STK3: variants seen among roughly 807,000 people sequenced by gnomAD.
The protein encoded by STK3 is serine/threonine-protein kinase 3.
STK3 carries 41 observed loss-of-function variants against 58.0 expected under a neutral mutation model. The ratio of observed to expected loss-of-function variants is 0.71; its 90% CI spans 0.55 to 0.92. The LOEUF (loss-of-function observed/expected upper bound fraction) is 0.92, where lower values mean the gene tolerates loss of function less well. STK3 is among the 40% of genes least tolerant of loss of function. The pLI, the probability that STK3 is intolerant of heterozygous loss-of-function variation, is 0.00. For missense variants in STK3, 479 were observed against 602.7 expected (o/e 0.79, Z 2.15); for synonymous variants, 170 against 191.0 (o/e 0.89, Z 0.91).
chr8:98,527,781 C>G (rs750722507), intron 9 of STK3, among the ~76,000 whole-genome samples: 1 of 152,172 alleles, frequency 6.6e-6, no homozygotes, highest in Non-Finnish European at 1.5e-5. Flanking sequence ...ACACTTACAT[C>G]CATGTCTCCC....
chr8:98,351,087 T>A, the STK3 span, among the ~76,000 whole-genome samples: 3 of 152,196 alleles, frequency 2.0e-5, no homozygotes, highest in Non-Finnish European at 4.4e-5. Flanking sequence ...CCCAAAACTG[T>A]ATATTCAGCA....
At chr8:98,655,557 C>A (rs1021276897) in intron 6 of STK3, among the ~76,000 whole-genome samples, 29 of 151,358 alleles carry the variant, frequency 1.9e-4, no homozygotes, top group African/African-American at 3.6e-4. Flanking sequence ...CAACCTACAA[C>A]ATGGGAGAAA....
chr8:98,446,529 T>C (rs1368378754), intron 1 of STK3, among the ~76,000 whole-genome samples: 1 of 152,114 alleles, frequency 6.6e-6, no homozygotes, highest in East Asian at 1.9e-4. Context: ...CTTCTGATCA[T>C]TAGAGAAATG....
intron 3 of STK3, among the ~76,000 whole-genome samples, chr8:98,409,915 G>A (rs1165036038): frequency 6.6e-6 from 1 of 152,140 alleles, no homozygotes; most frequent in African/African-American, 2.4e-5. Flanking sequence ...AGTGCCATGT[G>A]CCCAGAAGGA....
rs1468540698 is a variant in STK3 at position 98,742,904 on chromosome 8, A to G, written c.351+6372T>C. ...AAGTCTCAGGATACAAAATCAATGT[A>G]CAAAAATCACAAGCATTCTTATACA... On this transcript the variant is annotated intron_variant, in intron 4 of 10. Transcript: ENST00000419617. Among the ~76,000 whole-genome samples, 689 of 151,496 alleles carry G rather than the reference A, an allele frequency of 4.5e-3. 1 individual carries two copies. The highest frequency in any genetic ancestry group is 0.016 in the African/African-American group (643 of 40,904).
chr8:98,358,395 AG>A, the STK3 span, among the ~76,000 whole-genome samples: 19 of 152,318 alleles, frequency 1.2e-4, no homozygotes, highest in Admixed American at 6.5e-4. Flanking sequence ...GTCCAAAAAA[AG>A]ACACCACAGA....
chr8:98,499,162 G>A (rs1033868694), intron 10 of STK3, among the ~76,000 whole-genome samples: 1 of 152,144 alleles, frequency 6.6e-6, no homozygotes, highest in African/African-American at 2.4e-5. Flanking sequence ...ATGAACCAAG[G>A]AATGCAAGGA....
In STK3 at chr8:98,413,496, C is replaced by G. The variant is rs376872672; in HGVS notation, n.484-11983G>C. 34 of 623,686 alleles carry G rather than the reference C, an allele frequency of 5.5e-5. No homozygotes were observed. In the African/African-American group the frequency reaches 5.8e-4, roughly 11 times the overall value. The allele number at this position is 623,686 out of a possible 1,614,324, so 38.6% of individuals were successfully genotyped here. On this transcript the variant is annotated intron_variant and non_coding_transcript_variant, in intron 3 of 3. Coordinates refer to the STK3 transcript ENST00000517832. ...AAGTGGCTTCAGAATGTGCCGAAGT[C>G]CATTTGTGACACTAGTGACACTTAA...
At chr8:98,429,206 C>G in intron 3 of STK3, 1 of 1,614,052 alleles carries the variant, frequency 6.2e-7, no homozygotes, top group Non-Finnish European at 8.5e-7. Context: ...TCACCTTGAT[C>G]TTCAATAAGT....
chr8:98,818,312 A>G (rs1437065230), intron 1 of STK3, among the ~76,000 whole-genome samples: 1 of 152,234 alleles, frequency 6.6e-6, no homozygotes, highest in Non-Finnish European at 1.5e-5. Context: ...TCATTCACCA[A>G]TGAGCATCTG....
chr8:98,794,938 A>G (rs911961480), intron 1 of STK3, among the ~76,000 whole-genome samples: 1 of 151,122 alleles, frequency 6.6e-6, no homozygotes, highest in African/African-American at 2.4e-5. Flanking sequence ...GTGGTGGTGC[A>G]TGCCTGTAAT....
chr8:98,638,529 C>T (rs763772453), intron 6 of STK3: 2 of 152,198 alleles, frequency 1.3e-5, no homozygotes, highest in African/African-American at 4.8e-5. Context: ...TTTTCAACTA[C>T]TGCACAGGTG....
At chr8:98,371,821 C>T (rs1817613625) in intron 2 of STK3, 2 of 152,200 alleles carry the variant, frequency 1.3e-5, no homozygotes, top group Admixed American at 6.5e-5. Flanking sequence ...TATACCAAGT[C>T]CTAGGACATA....
At chr8:98,822,052 A>G (rs570148959) in intron 1 of STK3, among the ~76,000 whole-genome samples, 11 of 150,856 alleles carry the variant, frequency 7.3e-5, no homozygotes, top group Non-Finnish European at 1.5e-4. Flanking sequence ...ACACACATAC[A>G]TACACACACA....
chr8:98,534,195 G>A (rs1809572888), intron 9 of STK3, among the ~76,000 whole-genome samples: 2 of 152,122 alleles, frequency 1.3e-5, no homozygotes, highest in African/African-American at 4.8e-5. Flanking sequence ...GTTTATCTAA[G>A]GACCAATCCT....
intron 1 of STK3, among the ~76,000 whole-genome samples, chr8:98,446,618 G>A (rs139347196): frequency 6.6e-5 from 10 of 152,160 alleles, no homozygotes; most frequent in Non-Finnish European, 7.3e-5. Context: ...ACAGATGCTG[G>A]TGAGGTTGCG....
chr8:98,813,476 A>G (rs1834354286), intron 1 of STK3, among the ~76,000 whole-genome samples: 1 of 152,246 alleles, frequency 6.6e-6, no homozygotes, highest in South Asian at 2.1e-4. Flanking sequence ...GCTCTGCAAT[A>G]GACAGAAGAG....
chr8:98,673,970 G>T (rs1823016321), intron 6 of STK3, among the ~76,000 whole-genome samples: 1 of 152,014 alleles, frequency 6.6e-6, no homozygotes, highest in Admixed American at 6.6e-5. Context: ...TGGAGTTTAT[G>T]TTTTCTTTTA....
At chr8:98,924,227 C>A (rs1839698115) in intron 1 of STK3, among the ~76,000 whole-genome samples, 1 of 152,172 alleles carries the variant, frequency 6.6e-6, no homozygotes, top group Non-Finnish European at 1.5e-5. Context: ...GCAGGGAGAA[C>A]CTTGTCTGTT....
Sources: gnomAD v4.1 joint callset for allele counts (sites outside exome capture counted in the v4.1 genomes callset) on GRCh38, gnomAD v4.1.1 for gene constraint, MANE v1.5 for transcripts, NCBI Gene and HGNC (gene_info 2026-07-23, HGNC 2026-07-21) for gene names.